The following SERPINA9 variants were observed in gnomAD, a reference collection of about 807,000 sequenced individuals.
The protein encoded by SERPINA9 is serpin family A member 9.
In SERPINA9, 32 loss-of-function variants were observed where a neutral mutation model predicts 24.5. That is an observed-to-expected ratio of 1.30 (90% confidence interval 0.98 to 1.75). The LOEUF (loss-of-function observed/expected upper bound fraction) is 1.75, where lower values mean the gene tolerates loss of function less well. Among genes scored for constraint, SERPINA9 ranks in the 40% most tolerant of loss-of-function variants. The probability of loss-of-function intolerance (pLI) is 0.00; values close to 1 mark genes in which losing one functional copy is unlikely to be tolerated. For synonymous variants in SERPINA9, 233 were observed against 197.7 expected (o/e 1.18, Z -1.50); for missense variants, 594 against 497.1 (o/e 1.19, Z -1.85).
chr14:94,463,444 T>A (rs1347673140), intron 4 of SERPINA9, 148 bp from the exon 5 acceptor site: 1 of 670,472 alleles, frequency 1.5e-6, no homozygotes, highest in Non-Finnish European at 2.6e-6. Context: ...GTTTACTCAA[T>A]ACATTGCAGT....
At chr14:94,475,957 C>T (rs1899619396) in intron 1 of SERPINA9, 179 bp downstream of exon 1, 1 of 826,212 alleles carries the variant, frequency 1.2e-6, no homozygotes. Context: ...TCCAGCCTGG[C>T]TTCTGTATCC....
At chr14:94,468,357 A>C (rs1184584540) in intron 2 of SERPINA9, among the ~76,000 whole-genome samples, 1 of 152,088 alleles carries the variant, frequency 6.6e-6, no homozygotes, top group African/African-American at 2.4e-5. Flanking sequence ...TGGATAAATG[A>C]GTGAACATGT....
intron 1 of SERPINA9, chr14:94,475,834 TTTGC>T (rs1351780210): frequency 4.2e-6 from 2 of 472,560 alleles, no homozygotes; most frequent in African/African-American, 3.9e-5. Context: ...CACCCTCTCA[TTTGC>T]TTCTAGCAGC....
intron 1 of SERPINA9, among the ~76,000 whole-genome samples, chr14:94,472,583 G>T (rs1434296196): frequency 6.6e-6 from 1 of 151,876 alleles, no homozygotes; most frequent in African/African-American, 2.4e-5. Flanking sequence ...TATTATGCAG[G>T]TACTATAGGA....
chr14:94,473,719 C>G (rs991976972), intron 1 of SERPINA9, among the ~76,000 whole-genome samples: 4 of 152,124 alleles, frequency 2.6e-5, no homozygotes, highest in African/African-American at 9.7e-5. Flanking sequence ...ACTGTGTTAA[C>G]TTGGGGTCTG....
intron 1 of SERPINA9, among the ~76,000 whole-genome samples, chr14:94,474,617 C>T (rs1029844825): frequency 1.3e-5 from 2 of 152,210 alleles, no homozygotes; most frequent in African/African-American, 4.8e-5. Flanking sequence ...AACTCCTGTC[C>T]TCCTGTGGCC....
chr14:94,467,129 C>G lies in SERPINA9; in HGVS notation c.882G>C (p.Trp294Cys). Residue 294 changes from tryptophan to cysteine, a missense_variant, in exon 3 of 5, where the codon TGG (tryptophan) becomes TGC (cysteine). By Grantham distance (215) the Trp-to-Cys change is radical. Coordinates refer to ENST00000674397, the MANE Select transcript of SERPINA9 (RefSeq NM_175739.4). Reference sequence around the variant, plus strand: ...CCCACCTTTTCTGGAGTGAGTGGCTCCACTTTCTCAGTGTTCTGGCTGACA... The same window carrying G: ...CCCACCTTTTCTGGAGTGAGTGGCTGCACTTTCTCAGTGTTCTGGCTGACA... ...QALSARTLRK[W>C]SHSLQKRWIE... The G allele has an allele frequency of 6.2e-7, 1 of 1,614,056 alleles. No homozygotes were observed. Among genetic ancestry groups the G allele is most frequent in the Non-Finnish European group, 8.5e-7 (1 of 1,179,974 alleles).
chr14:94,475,921 T>C (rs186266539), intron 1 of SERPINA9: 3 of 614,072 alleles, frequency 4.9e-6, no homozygotes, highest in South Asian at 2.1e-5. Context: ...TCTGTGGCCT[T>C]ACCTCCAACT....
intron 1 of SERPINA9, among the ~76,000 whole-genome samples, chr14:94,471,077 AT>A (rs1337720699): frequency 1.3e-5 from 2 of 151,168 alleles, no homozygotes; most frequent in Admixed American, 1.3e-4. Context: ...AAATTTTATA[AT>A]TTCCCCCCCA....
At chr14:94,471,293 C>G (rs1266722209) in intron 1 of SERPINA9, among the ~76,000 whole-genome samples, 1 of 152,084 alleles carries the variant, frequency 6.6e-6, no homozygotes, top group African/African-American at 2.4e-5. Flanking sequence ...AGAATTCAGT[C>G]AATAAGTGAA....
At chr14:94,470,542 G>T (rs1899261426) in intron 1 of SERPINA9, among the ~76,000 whole-genome samples, 1 of 152,184 alleles carries the variant, frequency 6.6e-6, no homozygotes, top group Admixed American at 6.5e-5. Flanking sequence ...TGACCTGATA[G>T]CAATTTCAAA....
At chr14:94,464,091 G>A (rs1157098419) in intron 4 of SERPINA9, among the ~76,000 whole-genome samples, 1 of 152,142 alleles carries the variant, frequency 6.6e-6, no homozygotes, top group African/African-American at 2.4e-5. Context: ...AGCATGGGGT[G>A]CCCACATTAC....
chr14:94,472,550 C>T (rs1319788848), intron 1 of SERPINA9, among the ~76,000 whole-genome samples: 1 of 152,046 alleles, frequency 6.6e-6, no homozygotes, highest in Non-Finnish European at 1.5e-5. Context: ...TGCATTTGGT[C>T]CATTGGGTTG....
At chr14:94,465,537 C>CT (rs887073554) in intron 3 of SERPINA9, among the ~76,000 whole-genome samples, 93 of 120,046 alleles carry the variant, frequency 7.7e-4, no homozygotes, top group African/African-American at 3.3e-3. Context: ...TGTTGAACTT[C>CT]TTTTTTTTAA....
At chr14:94,475,758 A>C (rs148796082) in intron 1 of SERPINA9, among the ~76,000 whole-genome samples, 2 of 152,276 alleles carry the variant, frequency 1.3e-5, no homozygotes, top group Admixed American at 6.5e-5. Flanking sequence ...TAGTTTGGAA[A>C]CTGTTCAAGT....
At chr14:94,475,401 T>G (rs2139827753) in intron 1 of SERPINA9, among the ~76,000 whole-genome samples, 1 of 150,300 alleles carries the variant, frequency 6.7e-6, no homozygotes, top group East Asian at 2.0e-4. Flanking sequence ...GTGCTACATA[T>G]GCATGTGTGC....
At chr14:94,470,414 A>G (rs1397039537) in intron 1 of SERPINA9, among the ~76,000 whole-genome samples, 2 of 152,212 alleles carry the variant, frequency 1.3e-5, no homozygotes, top group Non-Finnish European at 2.9e-5. Context: ...GTGCTCCTTC[A>G]GGTGCCCTGA....
intron 2 of SERPINA9, 39 bp from the exon 3 acceptor site, chr14:94,467,421 A>C (rs1333620849): frequency 1.9e-6 from 3 of 1,545,092 alleles, no homozygotes; most frequent in Non-Finnish European, 2.6e-6. Context: ...ATGTCAAAGT[A>C]CAATTAGTGA....
At chr14:94,475,484 C>G (rs1282119997) in intron 1 of SERPINA9, among the ~76,000 whole-genome samples, 1 of 152,068 alleles carries the variant, frequency 6.6e-6, no homozygotes, top group South Asian at 2.1e-4. Flanking sequence ...ACCTTGCCTC[C>G]TATCTCACAT....
Sources: allele counts gnomAD v4.1 joint callset (sites outside exome capture counted in the v4.1 genomes callset), GRCh38; gene constraint gnomAD v4.1.1; transcripts MANE v1.5; gene names NCBI Gene and HGNC (gene_info 2026-07-23, HGNC 2026-07-21).